The following BTBD16 variants were observed in gnomAD, a reference collection of about 807,000 sequenced individuals.
BTBD16 encodes BTB domain containing 16.
BTBD16 carries 66 observed loss-of-function variants against 67.4 expected under a neutral mutation model. The observed-to-expected ratio is 0.98, with a 90% CI of 0.80 to 1.20. The LOEUF (loss-of-function observed/expected upper bound fraction) is 1.20, where lower values mean the gene tolerates loss of function less well. BTBD16 is among the 50% of genes most tolerant of loss of function. BTBD16 has a pLI of 0.00. For synonymous variants in BTBD16, 242 were observed against 236.4 expected, an observed-to-expected ratio of 1.02 and a Z score of -0.22; for missense variants, 634 against 616.0, an observed-to-expected ratio of 1.03 and a Z score of -0.31.
At chr10:122,300,234 T>C (rs2096391267) in intron 9 of BTBD16, among the ~76,000 whole-genome samples, 1 of 152,200 alleles carries the variant, frequency 6.6e-6, no homozygotes, top group African/African-American at 2.4e-5. Context: ...TCTTAAACAT[T>C]TTTATTTGAA....
chr10:122,299,979 C>A (rs1409965698), intron 9 of BTBD16, among the ~76,000 whole-genome samples: 2 of 152,236 alleles, frequency 1.3e-5, no homozygotes, highest in Non-Finnish European at 2.9e-5. Flanking sequence ...CCATACCGGG[C>A]CTTGGTTCAT....
At chr10:122,322,288 T>A (rs2096436846) in intron 10 of BTBD16, among the ~76,000 whole-genome samples, 1 of 152,230 alleles carries the variant, frequency 6.6e-6, no homozygotes, top group South Asian at 2.1e-4. Flanking sequence ...ATTTCCAGGC[T>A]TTCTTCTTTT....
chr10:122,289,868 G>C, intron 5 of BTBD16, 41 bp from the exon 6 acceptor site: 3 of 1,534,378 alleles, frequency 2.0e-6, no homozygotes, highest in Non-Finnish European at 2.7e-6. Context: ...CTTCACCACG[G>C]TTATCACATC....
At chr10:122,333,349 A>AG (rs962831955) in intron 13 of BTBD16, among the ~76,000 whole-genome samples, 1 of 152,194 alleles carries the variant, frequency 6.6e-6, no homozygotes, top group Non-Finnish European at 1.5e-5. Flanking sequence ...AAAGGTCTAT[A>AG]GACCACAGGT....
At chr10:122,299,208 G>A (rs942012739) in intron 9 of BTBD16, 74 bp downstream of exon 9, 1 of 1,540,982 alleles carries the variant, frequency 6.5e-7, no homozygotes, top group Non-Finnish European at 8.8e-7. Context: ...GGGGAGGGAG[G>A]TGCTCTGATG....
intron 10 of BTBD16, among the ~76,000 whole-genome samples, chr10:122,318,445 G>A (rs976570955): frequency 6.6e-6 from 1 of 152,130 alleles, no homozygotes; most frequent in African/African-American, 2.4e-5. Flanking sequence ...AAATATTCCT[G>A]TACAAGTCTG....
At chr10:122,336,413 C>G (rs1244482394) in intron 14 of BTBD16, 81 bp from the exon 15 acceptor site, 2 of 1,249,894 alleles carry the variant, frequency 1.6e-6, no homozygotes, top group African/African-American at 3.1e-5. Context: ...ATACCAGGGT[C>G]TATATGCCAG....
intron 10 of BTBD16, among the ~76,000 whole-genome samples, chr10:122,317,452 C>A (rs564619251): frequency 6.6e-6 from 1 of 152,164 alleles, no homozygotes; most frequent in South Asian, 2.1e-4. Context: ...TCGAGACCAT[C>A]CTGGCTAACA....
chr10:122,283,707 T>C (rs1383341897), intron 3 of BTBD16, 144 bp from the exon 4 acceptor site: 8 of 646,486 alleles, frequency 1.2e-5, no homozygotes, highest in Non-Finnish European at 2.2e-5. Flanking sequence ...AATGGTGACC[T>C]GAGGAAACTC....
At position 122,331,204 on chromosome 10, in the gene BTBD16, T is replaced by C. The variant is rs1417795444; in HGVS notation, c.1032T>C (p.Leu344=). The C allele has an allele frequency of 1.2e-6, 2 of 1,613,274 alleles. No homozygotes were observed. The highest frequency in any genetic ancestry group is 1.7e-6 in the Non-Finnish European group (2 of 1,179,656). ...AGGATCTGGAGGTGCTGCGGCACCT[T>C]AACTTCTTCCCAGAGTCATGGCTCG... ...KGKDLEVLRH[L]NFFPESWLDQ... Residue 344 remains leucine (L), a synonymous_variant, in exon 12 of 16, where the codon CTT becomes CTC. Coordinates refer to ENST00000260723, the MANE Select transcript of BTBD16 (RefSeq NM_144587.5).
chr10:122,336,492 A>C lies in BTBD16; in HGVS notation c.1264-2A>C. 1 of 1,598,030 alleles carries C rather than the reference A, an allele frequency of 6.3e-7. No homozygotes were observed. The highest frequency in any genetic ancestry group is 8.5e-7 in the Non-Finnish European group (1 of 1,173,820). On this transcript the variant is annotated splice_acceptor_variant, in intron 14 of 15. Transcript: ENST00000260723. LOFTEE classifies it high-confidence loss of function. ...ACCTAAGGTGAATCACTCTCTTTGC[A>C]GAGAATAAAGCACACAGACCTGGAA... is the stretch of plus-strand genomic sequence containing the variant.
intron 10 of BTBD16, among the ~76,000 whole-genome samples, chr10:122,313,048 T>A (rs1488332817): frequency 2.6e-5 from 4 of 151,654 alleles, no homozygotes; most frequent in African/African-American, 9.7e-5. Flanking sequence ...GGCTAATTTT[T>A]TGTATTTTTA....
chr10:122,280,563 A>T lies in BTBD16; in HGVS notation c.168-3288A>T, dbSNP rs10749456. On this transcript the variant is annotated intron_variant, in intron 3 of 15. Transcript: ENST00000260723. ...GAAGAAGGGACCCCTATATTTTTAT[A>T]TTATATTATATTATATTATATTGTA... is the stretch of plus-strand genomic sequence containing the variant. Among the ~76,000 whole-genome samples the T allele has an allele frequency of 7.9e-4, 24 of 30,362 alleles. 1 individual carries two copies. Among genetic ancestry groups the T allele is most frequent in the African/African-American group, 1.6e-3 (7 of 4,440 alleles). 19.9% of individuals were successfully genotyped at this position (30,362 alleles called of 152,430 possible). A position where few individuals can be genotyped will look rare whatever the true frequency, so the allele number is the denominator to read the frequency against.
At chr10:122,301,110 C>A (rs1375584253) in intron 9 of BTBD16, among the ~76,000 whole-genome samples, 3 of 152,260 alleles carry the variant, frequency 2.0e-5, no homozygotes, top group African/African-American at 7.2e-5. Flanking sequence ...CTCTGCTTTT[C>A]CCCACTCAGG....
chr10:122,310,205 T>C (rs1590077607), intron 10 of BTBD16, among the ~76,000 whole-genome samples: 1 of 152,226 alleles, frequency 6.6e-6, no homozygotes, highest in South Asian at 2.1e-4. Flanking sequence ...TGATGGGTGG[T>C]GCCCGTTGAG....
intron 2 of BTBD16, 99 bp downstream of exon 2, chr10:122,275,198 C>G (rs1050856148): frequency 8.6e-7 from 1 of 1,166,380 alleles, no homozygotes. Flanking sequence ...TCTGCACCAC[C>G]GAGGACCTCA....
intron 10 of BTBD16, 129 bp downstream of exon 10, chr10:122,307,437 T>G: frequency 1.1e-6 from 1 of 918,378 alleles, no homozygotes; most frequent in Non-Finnish European, 1.6e-6. Flanking sequence ...GCACTGTTTT[T>G]TTAATAGGGC....
Position 122,329,108 on chromosome 10 carries a change from G to A in BTBD16, c.912-372G>A, listed in dbSNP as rs117561673. The stretch of plus-strand genomic sequence containing the variant: ...AAATGGAGCTCACTATCCTTGCCCC[G>A]TCTGCCCCACAAGAAGTTTGTGAGA... On this transcript the variant is annotated intron_variant, in intron 10 of 15. Coordinates refer to ENST00000260723, the MANE Select transcript of BTBD16 (RefSeq NM_144587.5). Among the ~76,000 whole-genome samples the A allele has an allele frequency of 5.8e-3, 883 of 152,178 alleles. 4 individuals carry two copies. The highest frequency in any genetic ancestry group is 0.027 in the Middle Eastern group (8 of 294).
chr10:122,304,744 G>A (rs925539191), intron 9 of BTBD16, among the ~76,000 whole-genome samples: 8 of 151,944 alleles, frequency 5.3e-5, no homozygotes, highest in Admixed American at 2.0e-4. Flanking sequence ...TAGTAGAGAC[G>A]GGGTTTCATC....
Sources: allele counts gnomAD v4.1 joint callset (sites outside exome capture counted in the v4.1 genomes callset), GRCh38; gene constraint gnomAD v4.1.1; transcripts MANE v1.5; gene names NCBI Gene and HGNC (gene_info 2026-07-23, HGNC 2026-07-21).